The following TOX3 variants were observed in gnomAD, a reference collection of about 807,000 sequenced individuals.
TOX3 encodes CAG trinucleotide repeat-containing gene F9 protein.
TOX3 carries 22 observed loss-of-function variants against 64.3 expected under a neutral mutation model. The ratio of observed to expected loss-of-function variants is 0.34; its 90% CI spans 0.24 to 0.49. TOX3 has a LOEUF of 0.49. TOX3 is among the 20% of genes least tolerant of loss of function. The pLI is 0.99. For missense variants in TOX3, 661 were observed against 714.4 expected (o/e 0.93, Z 0.85); for synonymous variants, 291 against 273.6 (o/e 1.06, Z -0.63).
Position 52,437,589 on chromosome 16 carries a change from G to A in TOX3, c.*1636C>T, listed in dbSNP as rs1959785807. The A allele has an allele frequency of 6.6e-6, 1 of 152,532 alleles. No individual in the cohort carries two copies. The allele number at this position is 152,532 out of a possible 1,614,324, so 9.4% of individuals were successfully genotyped here. A position where few individuals can be genotyped will look rare whatever the true frequency, so the allele number is the denominator to read the frequency against. ...TAATCATGCAAGACAACTGGGGATA[G>A]TGGTCACACTGCTCTCAAAGAGGAA... is the stretch of plus-strand genomic sequence containing the variant. On this transcript the variant is annotated 3_prime_UTR_variant, in exon 7 of 7. Transcript: ENST00000219746.
At chr16:52,477,660 A>G (rs35947844) in intron 1 of TOX3, among the ~76,000 whole-genome samples, 9,792 of 152,186 alleles carry the variant, frequency 0.064, 897 homozygotes, top group African/African-American at 0.21. Context: ...CAGCTGAACT[A>G]CTTGCTAGGG....
intron 1 of TOX3, among the ~76,000 whole-genome samples, chr16:52,516,812 T>C (rs1962471506): frequency 6.6e-6 from 1 of 152,218 alleles, no homozygotes; most frequent in East Asian, 1.9e-4. Flanking sequence ...AAATGTTCTA[T>C]ATTTATTATG....
At chr16:52,517,082 T>C (rs1232748142) in intron 1 of TOX3, among the ~76,000 whole-genome samples, 1 of 152,276 alleles carries the variant, frequency 6.6e-6, no homozygotes, top group East Asian at 1.9e-4. Flanking sequence ...ACATACACAA[T>C]ATGTTAAGAA....
At chr16:52,498,163 G>A (rs1171645630) in intron 1 of TOX3, among the ~76,000 whole-genome samples, 1 of 152,178 alleles carries the variant, frequency 6.6e-6, no homozygotes, top group East Asian at 1.9e-4. Context: ...ATTTTCATGG[G>A]AATCTTTAAT....
At chr16:52,523,458 G>A (rs954087011) in intron 1 of TOX3, among the ~76,000 whole-genome samples, 2 of 152,152 alleles carry the variant, frequency 1.3e-5, no homozygotes, top group Admixed American at 1.3e-4. Context: ...TTCTCAAATA[G>A]CCATCGACAT....
intron 1 of TOX3, among the ~76,000 whole-genome samples, chr16:52,497,087 C>T (rs1300631203): frequency 6.6e-6 from 1 of 152,108 alleles, no homozygotes; most frequent in Non-Finnish European, 1.5e-5. Flanking sequence ...ACTTTTATTG[C>T]TACTTTGCTA....
chr16:52,461,889 C>T (rs2151754203), intron 3 of TOX3, among the ~76,000 whole-genome samples: 1 of 152,216 alleles, frequency 6.6e-6, no homozygotes, highest in Non-Finnish European at 1.5e-5. Flanking sequence ...AACCATGCCT[C>T]TGGCGATTCT....
intron 1 of TOX3, among the ~76,000 whole-genome samples, chr16:52,500,046 A>T (rs1054051040): frequency 1.3e-5 from 2 of 152,208 alleles, no homozygotes; most frequent in African/African-American, 2.4e-5. Context: ...GAAGTTTTCC[A>T]TCTCTGCAGA....
At chr16:52,536,121 C>A (rs1273732127) in intron 1 of TOX3, among the ~76,000 whole-genome samples, 4 of 152,102 alleles carry the variant, frequency 2.6e-5, no homozygotes, top group African/African-American at 7.2e-5. Flanking sequence ...TGAGATGTAC[C>A]ATGTGCATCA....
chr16:52,458,168 TA>T (rs1960578898), intron 3 of TOX3, among the ~76,000 whole-genome samples: 2 of 152,206 alleles, frequency 1.3e-5, no homozygotes, highest in South Asian at 2.1e-4. Context: ...TAATAACAAG[TA>T]AATGTTCTTT....
At chr16:52,467,646 C>T (rs1960907805) in intron 2 of TOX3, among the ~76,000 whole-genome samples, 1 of 152,158 alleles carries the variant, frequency 6.6e-6, no homozygotes, top group Admixed American at 6.5e-5. Context: ...AATTTCACTT[C>T]TGTTTGTTCT....
chr16:52,444,258 G>T lies in TOX3; in HGVS notation c.987+18C>A. ...GCTGTGACTATTTTGGAGCCTGGCC[G>T]CCCCTGCCCAGGTTTACCTTAGAAA... On this transcript the variant is annotated intron_variant, in intron 6 of 6. Coordinates refer to ENST00000219746, the MANE Select transcript of TOX3 (RefSeq NM_001080430.4). 1 of 1,532,236 alleles carries T rather than the reference G, an allele frequency of 6.5e-7. No homozygotes were observed. Among genetic ancestry groups the T allele is most frequent in the Non-Finnish European group, 8.9e-7 (1 of 1,129,816 alleles). The allele number at this position is 1,532,236 out of a possible 1,614,324, so 94.9% of individuals were successfully genotyped here.
At chr16:52,479,631 A>T (rs939090954) in intron 1 of TOX3, among the ~76,000 whole-genome samples, 1 of 152,218 alleles carries the variant, frequency 6.6e-6, no homozygotes. Context: ...CACTGAAGTG[A>T]CAGCTGAGAG....
At chr16:52,460,400 G>A (rs1007969959) in intron 3 of TOX3, among the ~76,000 whole-genome samples, 1 of 152,146 alleles carries the variant, frequency 6.6e-6, no homozygotes, top group African/African-American at 2.4e-5. Context: ...ATATCAAAGA[G>A]AATTTTGAAA....
chr16:52,444,495 G>GCTTTCACA, intron 5 of TOX3, 139 bp from the exon 6 acceptor site: 1 of 427,928 alleles, frequency 2.3e-6, no homozygotes, highest in Non-Finnish European at 4.0e-6. Flanking sequence ...AAATGTTAGC[G>GCTTTCACA]CATGCACACA....
At chr16:52,477,969 C>T (rs1343768795) in intron 1 of TOX3, among the ~76,000 whole-genome samples, 1 of 152,146 alleles carries the variant, frequency 6.6e-6, no homozygotes, top group African/African-American at 2.4e-5. Flanking sequence ...TCCCAAGTCA[C>T]TTGGATTACA....
chr16:52,475,726 T>A (rs1961187740), intron 1 of TOX3: 1 of 152,142 alleles, frequency 6.6e-6, no homozygotes, highest in Admixed American at 6.5e-5. Context: ...TTTTTCTAAT[T>A]TAAAATTTCC....
In TOX3 at chr16:52,480,930, T is replaced by G. The variant is rs921419672; in HGVS notation, c.88-12356A>C. On this transcript the variant is annotated intron_variant, in intron 1 of 6. Coordinates refer to ENST00000219746, the MANE Select transcript of TOX3 (RefSeq NM_001080430.4). ...GACCTTTGATAATGTCTGAAGAGAG[T>G]TTTTTTTTTTTATTGTCATGACTTC... Among the ~76,000 whole-genome samples the G allele has an allele frequency of 3.6e-3, 281 of 78,772 alleles. 2 individuals are homozygous for G. Among genetic ancestry groups the G allele is most frequent in the African/African-American group, 9.5e-3 (268 of 28,078 alleles). 51.7% of individuals were successfully genotyped at this position (78,772 alleles called of 152,430 possible). A position where few individuals can be genotyped will look rare whatever the true frequency, so the allele number is the denominator to read the frequency against.
At chr16:52,482,370 G>A (rs965996712) in intron 1 of TOX3, among the ~76,000 whole-genome samples, 4 of 152,104 alleles carry the variant, frequency 2.6e-5, no homozygotes, top group Non-Finnish European at 5.9e-5. Flanking sequence ...CAATTTGTAA[G>A]TAGCTCTTCT....
Sources: gnomAD v4.1 joint callset for allele counts (sites outside exome capture counted in the v4.1 genomes callset) on GRCh38, gnomAD v4.1.1 for gene constraint, MANE v1.5 for transcripts, NCBI Gene and HGNC (gene_info 2026-07-23, HGNC 2026-07-21) for gene names.